The following ADAMTS9 variants were observed in gnomAD, a reference collection of about 807,000 sequenced individuals.
ADAMTS9 encodes ADAM metallopeptidase with thrombospondin type 1 motif 9, also known as A disintegrin and metalloproteinase with thrombospondin motifs 9.
Under a neutral mutation model 257.1 loss-of-function variants are expected in ADAMTS9, and 107 were observed. The observed-to-expected ratio is 0.42, with a 90% CI of 0.36 to 0.49. The LOEUF is 0.49. Among genes scored for constraint, ADAMTS9 ranks in the 20% least tolerant of loss-of-function variants. The probability of loss-of-function intolerance (pLI) is 0.03; values close to 1 mark genes in which losing one functional copy is unlikely to be tolerated. For missense variants in ADAMTS9, 2,353 were observed against 2,469.1 expected (o/e 0.95, Z 1.00); for synonymous variants, 982 against 880.9 (o/e 1.11, Z -2.03).
intron 32 of ADAMTS9, among the ~76,000 whole-genome samples, chr3:64,544,257 A>G (rs967118960): frequency 1.3e-5 from 2 of 152,218 alleles, no homozygotes; most frequent in Non-Finnish European, 2.9e-5. Context: ...AGAATTGGGA[A>G]AAACTACTTT....
Position 64,541,163 on chromosome 3 carries a change from T to C in ADAMTS9, c.5453A>G (p.Asp1818Gly), listed in dbSNP as rs772342812. 4.3e-6 allele frequency: 7 copies of C among 1,614,072 alleles called. No individual in the cohort carries two copies. Among genetic ancestry groups the C allele is most frequent in the African/African-American group, 1.3e-5 (1 of 74,924 alleles). ...ACTGGAAAACCCAGCGGCCGTGTAA[T>C]CCTTCCGACATTGGCAGTCATCGCG... ...SRRDDCQCRK[D>G]YTAAGFSSFQ... The change falls in exon 36 of 40, where the codon GAT becomes GGT. Residue 1818 changes from aspartate to glycine, a missense_variant. Transcript: ENST00000498707.
chr3:64,610,625 A>G (rs887050563), intron 22 of ADAMTS9, among the ~76,000 whole-genome samples: 2 of 152,220 alleles, frequency 1.3e-5, no homozygotes, highest in Non-Finnish European at 2.9e-5. Context: ...GGAAATACAA[A>G]TCAAAACCAT....
rs999835269 is a variant in ADAMTS9 at position 64,561,618 on chromosome 3, C to T, written c.4658G>A (p.Arg1553Gln). Residue 1553 changes from arginine to glutamine, a missense_variant, in exon 30 of 40, where the codon CGG (arginine) becomes CAG (glutamine). By Grantham distance (43) the Arg-to-Gln change is conservative (BLOSUM62 1). Transcript: ENST00000498707. ...PESERDCQGP[R>Q]CPLYTWRAEE... Reference sequence around the variant, plus strand: ...TGCCCTCCAAGTGTAGAGGGGACACCGTGGGCCTTGGCAGTCGCGTTCCGA... The same window carrying T: ...TGCCCTCCAAGTGTAGAGGGGACACTGTGGGCCTTGGCAGTCGCGTTCCGA... 10 of 1,613,832 alleles carry T rather than the reference C, an allele frequency of 6.2e-6. No homozygotes were observed. The Admixed American group carries it at 6.7e-5, about 11-fold the overall frequency.
intron 11 of ADAMTS9, among the ~76,000 whole-genome samples, chr3:64,643,444 A>T (rs1207506650): frequency 3.1e-5 from 3 of 97,064 alleles, no homozygotes; most frequent in African/African-American, 1.3e-4. Flanking sequence ...ATTACTCAAT[A>T]ATTTTTTTTT....
intron 16 of ADAMTS9, among the ~76,000 whole-genome samples, chr3:64,626,726 A>G (rs11707584): frequency 0.22 from 33,565 of 152,178 alleles, 4,228 homozygotes; most frequent in Non-Finnish European, 0.27. Context: ...TATAAGCCCA[A>G]GAAAGATCCC....
At chr3:64,615,701 G>C (rs935095528) in intron 20 of ADAMTS9, among the ~76,000 whole-genome samples, 2 of 152,076 alleles carry the variant, frequency 1.3e-5, no homozygotes, top group African/African-American at 4.8e-5. Context: ...AATAAAACCG[G>C]AAATGGCTTG....
intron 32 of ADAMTS9, among the ~76,000 whole-genome samples, chr3:64,545,880 G>A (rs1463513868): frequency 3.3e-5 from 5 of 152,168 alleles, no homozygotes; most frequent in African/African-American, 1.2e-4. Context: ...ACAGGTGTGA[G>A]CTACCATGCC....
intron 28 of ADAMTS9, among the ~76,000 whole-genome samples, chr3:64,573,229 G>A (rs2083743207): frequency 6.6e-6 from 1 of 152,190 alleles, no homozygotes; most frequent in African/African-American, 2.4e-5. Flanking sequence ...CAGGGGGACA[G>A]CCCTAGCACA....
intron 32 of ADAMTS9, among the ~76,000 whole-genome samples, chr3:64,545,206 C>T (rs987657972): frequency 4.5e-4 from 68 of 152,272 alleles, no homozygotes; most frequent in African/African-American, 1.6e-3. Flanking sequence ...GTGGCTATTC[C>T]TCAAGGATCT....
At chr3:64,535,721 T>C (rs998493753) in intron 37 of ADAMTS9, among the ~76,000 whole-genome samples, 2 of 151,868 alleles carry the variant, frequency 1.3e-5, no homozygotes, top group Non-Finnish European at 2.9e-5. Context: ...GCCCAGCTAA[T>C]TTTTATTTTG....
chr3:64,658,032 C>G (rs1490325391), intron 4 of ADAMTS9, among the ~76,000 whole-genome samples: 1 of 151,902 alleles, frequency 6.6e-6, no homozygotes, highest in African/African-American at 2.4e-5. Context: ...CACAACCAGC[C>G]TCCCTAATAC....
intron 30 of ADAMTS9, among the ~76,000 whole-genome samples, chr3:64,556,925 G>C (rs1345729783): frequency 6.6e-6 from 1 of 152,026 alleles, no homozygotes; most frequent in African/African-American, 2.4e-5. Context: ...TAGGTACCAT[G>C]TTAAATGATA....
At chr3:64,618,493 A>T (rs1284226356) in intron 19 of ADAMTS9, among the ~76,000 whole-genome samples, 2 of 152,212 alleles carry the variant, frequency 1.3e-5, no homozygotes, top group African/African-American at 4.8e-5. Flanking sequence ...TATTTTTAAT[A>T]AAAATCAGAG....
intron 38 of ADAMTS9, among the ~76,000 whole-genome samples, chr3:64,525,102 A>C (rs1385957046): frequency 1.3e-5 from 2 of 152,200 alleles, no homozygotes; most frequent in Admixed American, 6.5e-5. Flanking sequence ...TGTCAGCTCC[A>C]TTATGACAAG....
At position 64,594,431 on chromosome 3, in the gene ADAMTS9, T is replaced by G. The variant is rs1241576746; in HGVS notation, c.4183A>C (p.Thr1395Pro). The G allele has an allele frequency of 1.2e-6, 2 of 1,609,982 alleles. No homozygotes were observed. The highest frequency in any genetic ancestry group is 1.1e-5 in the South Asian group (1 of 90,276). ...QWAYGNWGEC[T>P]KLCGGGIRTR... ...CTTATGCCTCCACCACACAGCTTAG[T>G]GCACTGGAAGAAGGAAAAGGAAGGC... The change falls in exon 28 of 40, where the codon ACT becomes CCT. Residue 1395 changes from threonine (T) to proline (P), a missense_variant. By Grantham distance (38) the Thr-to-Pro change is conservative. Around this residue, in one of 3 missense-constraint regions of ADAMTS9, gnomAD observed 1,402 missense variants for 1,441.4 expected, o/e 0.97. Transcript: ENST00000498707.
At chr3:64,643,048 C>T (rs1035524662) in intron 11 of ADAMTS9, among the ~76,000 whole-genome samples, 2 of 152,160 alleles carry the variant, frequency 1.3e-5, no homozygotes, top group African/African-American at 4.8e-5. Flanking sequence ...TTGTAATTAT[C>T]CTCTTACAGT....
intron 8 of ADAMTS9, among the ~76,000 whole-genome samples, chr3:64,653,661 GTAATT>G (rs1700987238): frequency 6.6e-6 from 1 of 152,140 alleles, no homozygotes; most frequent in African/African-American, 2.4e-5. Flanking sequence ...GATAGTATAA[GTAATT>G]TAATCATCCT....
intron 33 of ADAMTS9, 73 bp from the exon 34 acceptor site, chr3:64,541,693 A>T (rs975085294): frequency 4.5e-6 from 7 of 1,547,682 alleles, no homozygotes; most frequent in African/African-American, 1.4e-5. Context: ...AGAATGAATG[A>T]CATTGTTCGC....
chr3:64,653,585 A>G (rs987686607), intron 8 of ADAMTS9, among the ~76,000 whole-genome samples: 21 of 152,196 alleles, frequency 1.4e-4, no homozygotes, highest in African/African-American at 5.1e-4. Flanking sequence ...GTTAGCTCTA[A>G]GTAAAGTTAC....
Sources: gnomAD v4.1 joint callset for allele counts (sites outside exome capture counted in the v4.1 genomes callset) on GRCh38, gnomAD v4.1.1 for gene constraint, gnomAD v4.1.1 regional missense constraint, MANE v1.5 for transcripts, NCBI Gene and HGNC (gene_info 2026-07-23, HGNC 2026-07-21) for gene names.